Variants in FSIP2 observed in about 807,000 individuals in gnomAD.
FSIP2 encodes the protein fibrous sheath-interacting protein 2.
FSIP2 carries 367 observed loss-of-function variants against 510.5 expected under a neutral mutation model. The ratio of observed to expected loss-of-function variants is 0.72; its 90% CI spans 0.66 to 0.78. The LOEUF (loss-of-function observed/expected upper bound fraction) is 0.78, where lower values mean the gene tolerates loss of function less well. Among genes scored for constraint, FSIP2 ranks in the 30% least tolerant of loss-of-function variants. The pLI is 0.00. For missense variants in FSIP2, 7,594 were observed against 7,901.7 expected, an observed-to-expected ratio of 0.96 and a Z score of 1.48; for synonymous variants, 2,601 against 2,732.2, an observed-to-expected ratio of 0.95 and a Z score of 1.50.
chr2:185,800,433 A>G lies in FSIP2; in HGVS notation c.11127A>G (p.Pro3709=). Reference sequence around the variant, plus strand: ...ATATTGTTTCAGATTTATTTTCACCAGATGAATGCCTAGATACGGGTATGG... The same window carrying G: ...ATATTGTTTCAGATTTATTTTCACCGGATGAATGCCTAGATACGGGTATGG... ...VFNIVSDLFS[P]DECLDTGMDS... is the part of the protein sequence containing the mutation. The change falls in exon 17 of 23, where the codon CCA becomes CCG. Residue 3709 remains proline, a synonymous_variant. Coordinates refer to ENST00000424728, the MANE Select transcript of FSIP2 (RefSeq NM_173651.4). 7 of 1,528,296 alleles carry G rather than the reference A, an allele frequency of 4.6e-6. No homozygotes were observed. Among genetic ancestry groups the G allele is most frequent in the Non-Finnish European group, 6.1e-6 (7 of 1,143,748 alleles). The allele number at this position is 1,528,296 out of a possible 1,614,324, so 94.7% of individuals were successfully genotyped here. A position where few individuals can be genotyped will look rare whatever the true frequency, so the allele number is the denominator to read the frequency against.
intron 20 of FSIP2, among the ~76,000 whole-genome samples, chr2:185,826,299 G>A (rs1694011324): frequency 6.6e-6 from 1 of 151,620 alleles, no homozygotes; most frequent in African/African-American, 2.4e-5. Flanking sequence ...AAATCATCTG[G>A]GCATCATCCT....
intron 13 of FSIP2, among the ~76,000 whole-genome samples, chr2:185,779,052 A>C (rs1039572867): frequency 3.3e-5 from 5 of 152,000 alleles, no homozygotes; most frequent in Non-Finnish European, 5.9e-5. Flanking sequence ...TAGAGATGTC[A>C]GCTTCTAATC....
At chr2:185,738,750 A>T, upstream of FSIP2, 1 of 1,535,942 alleles carries the variant, frequency 6.5e-7, no homozygotes, top group Non-Finnish European at 8.7e-7. Flanking sequence ...TGGGGCCGCT[A>T]CCATTGGAAG....
chr2:185,786,280 C>A lies in FSIP2; in HGVS notation c.1498C>A (p.Gln500Lys). Reference protein sequence around the residue: ...MQQNLLQNCLQEKVTSEELNI... With the variant: ...MQQNLLQNCLKEKVTSEELNI... Reference sequence around the variant, plus strand: ...ACAGAACTTGCTGCAAAATTGCTTGCAAGAAAAAGTATGTATCATAAAATC... The same window carrying A: ...ACAGAACTTGCTGCAAAATTGCTTGAAAGAAAAAGTATGTATCATAAAATC... The change falls in exon 15 of 23, where the codon CAA becomes AAA. Residue 500 changes from glutamine to lysine, a missense_variant. Coordinates refer to ENST00000424728, the MANE Select transcript of FSIP2 (RefSeq NM_173651.4). 6.6e-7 allele frequency: 1 copy of A among 1,520,364 alleles called. No individual in the cohort carries two copies. The highest frequency in any genetic ancestry group is 8.8e-7 in the Non-Finnish European group (1 of 1,135,882). The allele number at this position is 1,520,364 out of a possible 1,614,324, so 94.2% of individuals were successfully genotyped here. A position where few individuals can be genotyped will look rare whatever the true frequency, so the allele number is the denominator to read the frequency against.
Position 185,806,053 on chromosome 2 carries a change from T to C in FSIP2, c.16747T>C (p.Tyr5583His). ...TAAAAAAGGGAAAGATGATGAGATA[T>C]ACACACATTTTTCATTAATAATTGA... The part of the protein sequence containing the change: ...TDKKGKDDEI[Y>H]THFSLIIDDT... Residue 5583 changes from tyrosine (Y) to histidine (H), a missense_variant, in exon 17 of 23, where the codon TAC becomes CAC. Transcript: ENST00000424728. 1 of 1,552,412 alleles carries C rather than the reference T, an allele frequency of 6.4e-7. No individual in the cohort carries two copies. Among genetic ancestry groups the C allele is most frequent in the Non-Finnish European group, 8.8e-7 (1 of 1,142,516 alleles).
intron 14 of FSIP2, among the ~76,000 whole-genome samples, chr2:185,784,635 A>C (rs1692926082): frequency 6.6e-6 from 1 of 152,116 alleles, no homozygotes. Flanking sequence ...AGATACCAAG[A>C]TAAAACTATG....
rs200925453 is a variant in FSIP2, at chr2:185,808,662, A to G, written c.19356A>G (p.Lys6452=). The part of the protein sequence containing the change: ...DIKDTNTAFP[K]KVASLIIDGV... Reference sequence around the variant, plus strand: ...AAGATACAAATACAGCCTTTCCTAAAAAAGTGGCTAGTTTAATTATTGATG... The same window carrying G: ...AAGATACAAATACAGCCTTTCCTAAGAAAGTGGCTAGTTTAATTATTGATG... The change falls in exon 17 of 23, where the codon AAA becomes AAG. Residue 6452 remains lysine, a synonymous_variant. Coordinates refer to ENST00000424728, the MANE Select transcript of FSIP2 (RefSeq NM_173651.4). 2.0e-3 allele frequency: 3,163 copies of G among 1,605,892 alleles called. 6 individuals are homozygous for G. Among genetic ancestry groups the G allele is most frequent in the Non-Finnish European group, 2.4e-3 (2,808 of 1,176,924 alleles).
chr2:185,741,866 C>T (rs1237772486), intron 2 of FSIP2, among the ~76,000 whole-genome samples: 1 of 152,152 alleles, frequency 6.6e-6, no homozygotes, highest in African/African-American at 2.4e-5. Flanking sequence ...ACCTACCTTT[C>T]GAGAGTTCTT....
At chr2:185,757,388 C>A (rs1692264586) in intron 9 of FSIP2, among the ~76,000 whole-genome samples, 1 of 151,252 alleles carries the variant, frequency 6.6e-6, no homozygotes, top group Non-Finnish European at 1.5e-5. Flanking sequence ...GGAGAAATAT[C>A]CTATTGAAAG....
At chr2:185,782,391 A>AAAG (rs1692871729) in intron 13 of FSIP2, among the ~76,000 whole-genome samples, 1 of 152,208 alleles carries the variant, frequency 6.6e-6, no homozygotes, top group African/African-American at 2.4e-5. Flanking sequence ...GTTCTAGACA[A>AAAG]AAGAAATTGC....
At chr2:185,818,774 C>T (rs1263369310) in intron 19 of FSIP2, among the ~76,000 whole-genome samples, 1 of 151,718 alleles carries the variant, frequency 6.6e-6, no homozygotes, top group Non-Finnish European at 1.5e-5. Flanking sequence ...CAAGGAAAGG[C>T]TGAGGGAGTT....
In FSIP2 at chr2:185,756,155, A is replaced by G. The variant is rs1463575277; in HGVS notation, c.992-37A>G. The G allele has an allele frequency of 3.3e-5, 27 of 829,574 alleles. No homozygotes were observed. In the East Asian group the frequency reaches 3.8e-4, roughly 12 times the overall value. 51.4% of individuals were successfully genotyped at this position (829,574 alleles called of 1,614,324 possible). ...TATCTTGGGTAATTCTGTCATCATC[A>G]TAAGTAAAAATAAATGTTTTATTAT... On this transcript the variant is annotated intron_variant, in intron 8 of 22. Transcript: ENST00000424728.
chr2:185,795,567 C>G lies in FSIP2; in HGVS notation c.8431C>G (p.Leu2811Val). ...LSQGNIGTGS[L>V]PKQQACFYLE... is the part of the protein sequence containing the mutation. Reference sequence around the variant, plus strand: ...ACAGGGGAATATAGGCACAGGATCCCTTCCTAAACAACAAGCATGTTTTTA... The same window carrying G: ...ACAGGGGAATATAGGCACAGGATCCGTTCCTAAACAACAAGCATGTTTTTA... The change falls in exon 16 of 23, where the codon CTT becomes GTT. Residue 2811 changes from leucine to valine, a missense_variant. Leu to Val is a conservative substitution (Grantham distance 32, BLOSUM62 1). Transcript: ENST00000424728. 1 of 1,535,030 alleles carries G rather than the reference C, an allele frequency of 6.5e-7. No homozygotes were observed.
At position 185,792,387 on chromosome 2, in the gene FSIP2, C is replaced by T. The variant is rs1357396462; in HGVS notation, c.5251C>T (p.Arg1751Cys). The T allele has an allele frequency of 7.8e-6, 12 of 1,532,996 alleles. No individual in the cohort carries two copies. Among genetic ancestry groups the T allele is most frequent in the African/African-American group, 6.9e-5 (5 of 72,752 alleles). The allele number at this position is 1,532,996 out of a possible 1,614,324, so 95.0% of individuals were successfully genotyped here. The change falls in exon 16 of 23, where the codon CGT becomes TGT. Residue 1751 changes from arginine (R) to cysteine (C), a missense_variant. By Grantham distance (180) the Arg-to-Cys change is radical (BLOSUM62 -3). Coordinates refer to ENST00000424728, the MANE Select transcript of FSIP2 (RefSeq NM_173651.4). The stretch of plus-strand genomic sequence containing the variant: ...CCCACAAAGAGAAGAAGTGAAAACA[C>T]GTTCTCTTAAACAATGGGCTCTCGA... ...RSPQREEVKTRSLKQWALEKT... is the reference protein window; with the variant it reads ...RSPQREEVKTCSLKQWALEKT...
Position 185,791,977 on chromosome 2 carries a change from G to A in FSIP2, c.4841G>A (p.Ser1614Asn), listed in dbSNP as rs902213723. 1 of 1,533,808 alleles carries A rather than the reference G, an allele frequency of 6.5e-7. No individual in the cohort carries two copies. Among genetic ancestry groups the A allele is most frequent in the Non-Finnish European group, 8.7e-7 (1 of 1,145,358 alleles). The change falls in exon 16 of 23, where the codon AGC becomes AAC. Residue 1614 changes from serine (S) to asparagine (N), a missense_variant. Coordinates refer to ENST00000424728, the MANE Select transcript of FSIP2 (RefSeq NM_173651.4). ...LGAINDGNKK[S>N]NKIGWEYEST... Reference sequence around the variant, plus strand: ...GCTATTAATGATGGAAATAAGAAAAGCAATAAGATAGGCTGGGAATATGAA... The same window carrying A: ...GCTATTAATGATGGAAATAAGAAAAACAATAAGATAGGCTGGGAATATGAA...
intron 21 of FSIP2, among the ~76,000 whole-genome samples, chr2:185,831,318 A>G (rs1694104738): frequency 6.6e-6 from 1 of 151,892 alleles, no homozygotes; most frequent in African/African-American, 2.4e-5. Flanking sequence ...TCTACAGAGT[A>G]AAGCTAGTAC....
Position 185,799,807 on chromosome 2 carries a change from C to T in FSIP2, c.10501C>T (p.His3501Tyr). 1 of 1,530,944 alleles carries T rather than the reference C, an allele frequency of 6.5e-7. No homozygotes were observed. The highest frequency in any genetic ancestry group is 8.7e-7 in the Non-Finnish European group (1 of 1,143,552). The allele number at this position is 1,530,944 out of a possible 1,614,324, so 94.8% of individuals were successfully genotyped here. The change falls in exon 17 of 23, where the codon CAT (histidine) becomes TAT (tyrosine). Residue 3501 changes from histidine (H) to tyrosine (Y), a missense_variant. Coordinates refer to ENST00000424728, the MANE Select transcript of FSIP2 (RefSeq NM_173651.4). ...TTCTTCAATTTATCAATGTTGTGAA[C>T]ATCTCACTGAGTCAGTACTTTACCA... ...DDSSIYQCCE[H>Y]LTESVLYHLT... is the part of the protein sequence containing the mutation.
chr2:185,803,357 T>C lies in FSIP2; in HGVS notation c.14051T>C (p.Leu4684Pro), dbSNP rs569101326. 13 of 1,533,106 alleles carry C rather than the reference T, an allele frequency of 8.5e-6. No individual in the cohort carries two copies. In the East Asian group the frequency reaches 2.9e-4, roughly 35 times the overall value. The allele number at this position is 1,533,106 out of a possible 1,614,324, so 95.0% of individuals were successfully genotyped here. A position where few individuals can be genotyped will look rare whatever the true frequency, so the allele number is the denominator to read the frequency against. The change falls in exon 17 of 23, where the codon CTG becomes CCG. Residue 4684 changes from leucine (L) to proline (P), a missense_variant. Leu to Pro is a moderately conservative substitution (Grantham distance 98). Coordinates refer to ENST00000424728, the MANE Select transcript of FSIP2 (RefSeq NM_173651.4). ...VSIIDNTEER[L>P]CLPPVERDVV... The stretch of plus-strand genomic sequence containing the variant: ...ATTATAGATAATACTGAGGAAAGAC[T>C]GTGTTTACCTCCAGTGGAGAGGGAT...
intron 9 of FSIP2, among the ~76,000 whole-genome samples, chr2:185,758,994 C>T (rs1359907826): frequency 2.6e-5 from 4 of 151,030 alleles, no homozygotes; most frequent in African/African-American, 9.7e-5. Flanking sequence ...CCAATTTTTA[C>T]AAAATAGCTT....
Sources: gnomAD v4.1 joint callset for allele counts (sites outside exome capture counted in the v4.1 genomes callset) on GRCh38, gnomAD v4.1.1 for gene constraint, MANE v1.5 for transcripts, NCBI Gene and HGNC (gene_info 2026-07-23, HGNC 2026-07-21) for gene names.